The following PTPRD variants were observed in gnomAD, a reference collection of about 807,000 sequenced individuals.
PTPRD encodes the protein protein tyrosine phosphatase receptor type D, also known as receptor-type tyrosine-protein phosphatase delta.
A neutral mutation model predicts 214.5 loss-of-function variants in PTPRD; 34 were observed. That is an observed-to-expected ratio of 0.16 (90% CI 0.12 to 0.21). The LOEUF (loss-of-function observed/expected upper bound fraction) is 0.21, where lower values mean the gene tolerates loss of function less well. Ranked by LOEUF, PTPRD falls within the 10% of genes least tolerant of loss-of-function variation. The pLI, the probability that PTPRD is intolerant of heterozygous loss-of-function variation, is 1.00. For synonymous variants in PTPRD, 1,128 were observed against 845.7 expected (o/e 1.33, Z -5.79); for missense variants, 2,545 against 2,398.7 (o/e 1.06, Z -1.27).
intron 10 of PTPRD, among the ~76,000 whole-genome samples, chr9:9,181,643 A>T (rs1319180583): frequency 6.6e-6 from 1 of 152,052 alleles, no homozygotes; most frequent in Non-Finnish European, 1.5e-5. Flanking sequence ...TCTCAGGCAC[A>T]AATTTGCACA....
chr9:8,790,273 T>C (rs1438154281), intron 11 of PTPRD, among the ~76,000 whole-genome samples: 1 of 152,058 alleles, frequency 6.6e-6, no homozygotes, highest in East Asian at 1.9e-4. Flanking sequence ...ACCTCTGCCT[T>C]CCAAAGCATT....
chr9:8,843,479 A>T (rs2097609731), intron 11 of PTPRD, among the ~76,000 whole-genome samples: 1 of 152,202 alleles, frequency 6.6e-6, no homozygotes, highest in Admixed American at 6.5e-5. Context: ...GCTGTCTAAT[A>T]CAACTTAGTG....
At chr9:10,117,345 C>T (rs2098738468) in intron 3 of PTPRD, among the ~76,000 whole-genome samples, 1 of 152,026 alleles carries the variant, frequency 6.6e-6, no homozygotes, top group Non-Finnish European at 1.5e-5. Flanking sequence ...CTGAAAGTGT[C>T]TATGGACAAT....
chr9:9,417,126 G>C (rs536986623), intron 8 of PTPRD, among the ~76,000 whole-genome samples: 45 of 152,076 alleles, frequency 3.0e-4, no homozygotes, highest in Non-Finnish European at 5.9e-4. Context: ...GGACACATAA[G>C]GCAGCCATTT....
At chr9:9,941,339 AT>A (rs1457509691) in intron 4 of PTPRD, among the ~76,000 whole-genome samples, 2 of 152,104 alleles carry the variant, frequency 1.3e-5, no homozygotes, top group African/African-American at 4.8e-5. Context: ...TGTGTATCTT[AT>A]TTTAGACAGT....
intron 11 of PTPRD, among the ~76,000 whole-genome samples, chr9:8,819,660 C>CA (rs200216704): frequency 6.7e-5 from 10 of 150,326 alleles, no homozygotes; most frequent in East Asian, 3.9e-4. Flanking sequence ...GACTCTGGAT[C>CA]AAAAAAAAAG....
chr9:10,235,658 T>C (rs2154359324), intron 3 of PTPRD, among the ~76,000 whole-genome samples: 1 of 152,174 alleles, frequency 6.6e-6, no homozygotes, highest in South Asian at 2.1e-4. Flanking sequence ...CATTTCATAA[T>C]GTGTCTTACA....
chr9:8,744,465 C>A (rs112700900), intron 11 of PTPRD, among the ~76,000 whole-genome samples: 1,743 of 152,156 alleles, frequency 0.011, 33 homozygotes, highest in African/African-American at 0.04. Context: ...TATGACTAAG[C>A]CATAAAAAGG....
chr9:10,483,054 A>G (rs1294750914), intron 2 of PTPRD, among the ~76,000 whole-genome samples: 2 of 152,176 alleles, frequency 1.3e-5, no homozygotes, highest in Non-Finnish European at 2.9e-5. Context: ...AGGCTATAGT[A>G]ACCAAACAGC....
At chr9:9,109,228 A>C (rs1301781876) in intron 10 of PTPRD, among the ~76,000 whole-genome samples, 3 of 152,110 alleles carry the variant, frequency 2.0e-5, no homozygotes, top group Non-Finnish European at 4.4e-5. Flanking sequence ...AGCTTGTTAT[A>C]CTCTATCTAT....
At chr9:8,380,942 G>A (rs1376752001) in intron 37 of PTPRD, among the ~76,000 whole-genome samples, 1 of 152,128 alleles carries the variant, frequency 6.6e-6, no homozygotes, top group East Asian at 1.9e-4. Context: ...AAGACTTACT[G>A]AGCATGGCAA....
chr9:8,855,273 C>G lies in PTPRD; in HGVS notation c.-103-121327G>C, dbSNP rs577787515. Among the ~76,000 whole-genome samples, 23 of 152,082 alleles carry G rather than the reference C, an allele frequency of 1.5e-4. 1 individual carries two copies. In the South Asian group the frequency reaches 4.6e-3, roughly 30 times the overall value. ...GGGGATTCCAATTCTTAGTTCCAGA[C>G]TTTGAGATATTCTGGATTTAAATAA... is the stretch of plus-strand genomic sequence containing the variant. On this transcript the variant is annotated intron_variant, in intron 11 of 45. Transcript: ENST00000381196.
At chr9:10,055,200 T>C (rs2097605802) in intron 3 of PTPRD, among the ~76,000 whole-genome samples, 1 of 152,120 alleles carries the variant, frequency 6.6e-6, no homozygotes, top group Non-Finnish European at 1.5e-5. Flanking sequence ...GTACATGGTA[T>C]TTTGTTATAG....
At chr9:9,224,506 G>A (rs2099958158) in intron 9 of PTPRD, among the ~76,000 whole-genome samples, 1 of 151,798 alleles carries the variant, frequency 6.6e-6, no homozygotes, top group East Asian at 1.9e-4. Flanking sequence ...TGAAAATGGG[G>A]GATAATAAAA....
In PTPRD at chr9:9,629,238, G is replaced by GTGTGTATATATATATATATATATATATA. The variant is rs149327972; in HGVS notation, c.-286-54458_-286-54457insTATATATATATATATATATATATACACA. On this transcript the variant is annotated intron_variant, in intron 7 of 45. Transcript: ENST00000381196. ...TGGGGAGATATATATGTGTGTGTGT[G>GTGTGTATATATATATATATATATATATA]TATATATATATATATATATGAACAC... Among the ~76,000 whole-genome samples, 309 of 140,228 alleles carry GTGTGTATATATATATATATATATATATA rather than the reference G, an allele frequency of 2.2e-3. 3 individuals carry two copies. Among genetic ancestry groups the GTGTGTATATATATATATATATATATATA allele is most frequent in the African/African-American group, 8.2e-3 (291 of 35,394 alleles). The allele number at this position is 140,228 out of a possible 152,430, so 92.0% of individuals were successfully genotyped here.
intron 12 of PTPRD, among the ~76,000 whole-genome samples, chr9:8,716,185 G>A (rs969159080): frequency 6.6e-6 from 1 of 152,178 alleles, no homozygotes; most frequent in African/African-American, 2.4e-5. Context: ...GGAGAAGAGA[G>A]GGGGAGCCTC....
intron 10 of PTPRD, among the ~76,000 whole-genome samples, chr9:9,175,773 A>G (rs1052884887): frequency 6.6e-6 from 1 of 151,964 alleles, no homozygotes; most frequent in South Asian, 2.1e-4. Flanking sequence ...ACCTCTCCCC[A>G]TGGTCAGCAC....
At chr9:8,442,953 C>A (rs1008527840) in intron 34 of PTPRD, among the ~76,000 whole-genome samples, 17 of 152,144 alleles carry the variant, frequency 1.1e-4, no homozygotes, top group Admixed American at 9.2e-4. Flanking sequence ...CCAGCCTGGG[C>A]AACAGAGGAA....
chr9:8,373,779 C>T (rs550980868), intron 39 of PTPRD, among the ~76,000 whole-genome samples: 1 of 151,530 alleles, frequency 6.6e-6, no homozygotes, highest in Admixed American at 6.6e-5. Flanking sequence ...TTATAATCTA[C>T]AGAGGGTGAA....
Sources: allele counts gnomAD v4.1 joint callset (sites outside exome capture counted in the v4.1 genomes callset), GRCh38; gene constraint gnomAD v4.1.1; transcripts MANE v1.5; gene names NCBI Gene and HGNC (gene_info 2026-07-23, HGNC 2026-07-21).